Variants in MORN4 observed in about 807,000 individuals in gnomAD.
MORN4 encodes the protein MORN repeat-containing protein 4.
Under a neutral mutation model 16.4 loss-of-function variants are expected in MORN4, and 8 were observed. The observed-to-expected ratio is 0.49, with a 90% CI of 0.29 to 0.88. MORN4 has a LOEUF of 0.88. Among genes scored for constraint, MORN4 ranks in the 40% least tolerant of loss-of-function variants. The pLI is 0.09. For missense variants in MORN4, 159 were observed against 182.9 expected (o/e 0.87, Z 0.75); for synonymous variants, 53 against 68.9 (o/e 0.77, Z 1.14).
chr10:97,633,759 C>G (rs1441831685), upstream of MORN4, among the ~76,000 whole-genome samples: 1 of 152,210 alleles, frequency 6.6e-6, no homozygotes, highest in Non-Finnish European at 1.5e-5. This position sits in a 1 kb window ranked among gnomAD's most constrained non-coding sequence, Gnocchi z 4.5. Context: ...GCAACAGTGA[C>G]CATCAACGCG....
intron 1 of MORN4, among the ~76,000 whole-genome samples, chr10:97,621,484 C>CA (rs2041293146): frequency 6.6e-6 from 1 of 152,164 alleles, no homozygotes; most frequent in South Asian, 2.1e-4. Context: ...GAAAAGCTTG[C>CA]AAGGAAGGGA....
At chr10:97,633,670 C>T, upstream of MORN4, 1 of 1,251,766 alleles carries the variant, frequency 8.0e-7, no homozygotes, top group Non-Finnish European at 1.0e-6. This position sits in a 1 kb window ranked among gnomAD's most constrained non-coding sequence, Gnocchi z 4.5. Flanking sequence ...CAGATAAAGA[C>T]AGAGGATCCA....
At chr10:97,625,625 A>G (rs1163328997) in intron 1 of MORN4, among the ~76,000 whole-genome samples, 2 of 152,220 alleles carry the variant, frequency 1.3e-5, no homozygotes, top group Non-Finnish European at 2.9e-5. Context: ...ATGTAATTCA[A>G]ACAACACTTT....
chr10:97,619,563 A>G, intron 2 of MORN4, 24 bp downstream of exon 2: 1 of 1,550,138 alleles, frequency 6.5e-7, no homozygotes, highest in Admixed American at 1.7e-5. Flanking sequence ...TTCATCATGG[A>G]TACTCCCCAG....
At position 97,629,903 on chromosome 10, in the gene MORN4, T is replaced by G. The variant is rs191782996; in HGVS notation, c.-31+3444A>C. ...CTTCCTGAGTAGCTGGGACTACAGGTGCTCGCCACCACGCCCAGCTAATTT... is the reference window on the plus strand; with the variant it reads ...CTTCCTGAGTAGCTGGGACTACAGGGGCTCGCCACCACGCCCAGCTAATTT... On this transcript the variant is annotated intron_variant, in intron 1 of 4. Coordinates refer to ENST00000307450, the MANE Select transcript of MORN4 (RefSeq NM_178832.4). Among the ~76,000 whole-genome samples, 6 of 148,788 alleles carry G rather than the reference T, an allele frequency of 4.0e-5. No individual in the cohort carries two copies. In the East Asian group the frequency reaches 9.9e-4, roughly 25 times the overall value.
At position 97,616,262 on chromosome 10, in the gene MORN4, G is replaced by A. The variant is rs770007983; in HGVS notation, c.*1C>T. 5.7e-6 allele frequency: 9 copies of A among 1,592,740 alleles called. No individual in the cohort carries two copies. In the African/African-American group the frequency reaches 1.2e-4, roughly 22 times the overall value. On this transcript the variant is annotated 3_prime_UTR_variant, in exon 5 of 5. Coordinates refer to ENST00000307450, the MANE Select transcript of MORN4 (RefSeq NM_178832.4). ...CTTATCAGCTGGTGCCCACTGCGCT[G>A]TCAGGCAGTGAGATTTCTGGCTGAC...
intron 2 of MORN4, among the ~76,000 whole-genome samples, chr10:97,618,838 C>T (rs2041262865): frequency 6.8e-6 from 1 of 147,140 alleles, no homozygotes; most frequent in Non-Finnish European, 1.5e-5. Flanking sequence ...ATTTTGAGGA[C>T]ACCGAGTCAG....
intron 1 of MORN4, among the ~76,000 whole-genome samples, chr10:97,624,070 G>A (rs975747522): frequency 6.6e-6 from 1 of 151,996 alleles, no homozygotes; most frequent in Admixed American, 6.6e-5. Context: ...GGGGCCTGGC[G>A]CCAACAGCTA....
At position 97,616,099 on chromosome 10, in the gene MORN4, T is replaced by G; in HGVS notation, c.*164A>C. 1.5e-6 allele frequency: 1 copy of G among 645,284 alleles called. No homozygotes were observed. Among genetic ancestry groups the G allele is most frequent in the Non-Finnish European group, 2.4e-6 (1 of 409,472 alleles). The allele number at this position is 645,284 out of a possible 1,614,324, so 40.0% of individuals were successfully genotyped here. A position where few individuals can be genotyped will look rare whatever the true frequency, so the allele number is the denominator to read the frequency against. On this transcript the variant is annotated 3_prime_UTR_variant, in exon 5 of 5. Transcript: ENST00000307450. ...TCTGCTGGCCAGCATCCTCAGCACT[T>G]TTCTGTGGTCCAGTTCTGGAATGGC... is the stretch of plus-strand genomic sequence containing the variant.
Position 97,616,802 on chromosome 10 carries a change from A to G in MORN4, c.183-15T>C. On this transcript the variant is annotated splice_polypyrimidine_tract_variant and intron_variant, in intron 3 of 4. Coordinates refer to ENST00000307450, the MANE Select transcript of MORN4 (RefSeq NM_178832.4). ...CCCCCTCATACCTGCAGAAACACCA[A>G]GAAGTTAGCCTTCAGTGGAAAGTTA... is the stretch of plus-strand genomic sequence containing the variant. The G allele has an allele frequency of 6.3e-7, 1 of 1,578,506 alleles. No individual in the cohort carries two copies. Among genetic ancestry groups the G allele is most frequent in the South Asian group, 1.1e-5 (1 of 90,408 alleles).
Position 97,614,737 on chromosome 10 carries a change from G to A in MORN4, c.*1526C>T, listed in dbSNP as rs973506619. ...GGTACCAGGGTAACGGGAGGCCTACGTAATAAACTGCAGAGATCCCATCAG... is the reference window on the plus strand; with the variant it reads ...GGTACCAGGGTAACGGGAGGCCTACATAATAAACTGCAGAGATCCCATCAG... On this transcript the variant is annotated 3_prime_UTR_variant, in exon 5 of 5. Coordinates refer to ENST00000307450, the MANE Select transcript of MORN4 (RefSeq NM_178832.4). 1 of 152,508 alleles carries A rather than the reference G, an allele frequency of 6.6e-6. No homozygotes were observed. The allele number at this position is 152,508 out of a possible 1,614,324, so 9.4% of individuals were successfully genotyped here. A position where few individuals can be genotyped will look rare whatever the true frequency, so the allele number is the denominator to read the frequency against.
intron 1 of MORN4, among the ~76,000 whole-genome samples, chr10:97,621,739 C>T (rs1037789598): frequency 6.6e-6 from 1 of 151,942 alleles, no homozygotes; most frequent in Non-Finnish European, 1.5e-5. Flanking sequence ...GTGGCGGGTG[C>T]CTGTAATCCC....
chr10:97,620,662 G>A (rs2041282465), intron 1 of MORN4, among the ~76,000 whole-genome samples: 1 of 151,798 alleles, frequency 6.6e-6, no homozygotes, highest in Non-Finnish European at 1.5e-5. Flanking sequence ...AGCCTGTGTA[G>A]GTACATGTAG....
At position 97,616,685 on chromosome 10, in the gene MORN4, ATC is replaced by A; in HGVS notation, c.283_284del (p.Asp95TrpfsTer9). 6.2e-7 allele frequency: 1 copy of A among 1,612,774 alleles called. No homozygotes were observed. Among genetic ancestry groups the A allele is most frequent in the Non-Finnish European group, 8.5e-7 (1 of 1,178,874 alleles). ...TGCTGGGCTGCAACTTACCAAAACC[ATC>A]TACTCTGCCATTTTTAAATTCCCCC... is the stretch of plus-strand genomic sequence containing the variant. ...FEGEFKNGRV[D>X]GFGLLTFPDG... On this transcript the variant is annotated frameshift_variant, in exon 4 of 5. Transcript: ENST00000307450. LOFTEE classifies it high-confidence loss of function.
At chr10:97,625,869 GC>G in intron 1 of MORN4, among the ~76,000 whole-genome samples, 1 of 152,110 alleles carries the variant, frequency 6.6e-6, no homozygotes, top group Non-Finnish European at 1.5e-5. Context: ...GTGGGCTCAA[GC>G]AACCCTTCTG....
intron 2 of MORN4, chr10:97,619,344 A>G: frequency 3.4e-6 from 2 of 582,478 alleles, no homozygotes; most frequent in East Asian, 5.5e-5. Flanking sequence ...ACAAAACAAA[A>G]CAAAACAAAA....
At chr10:97,634,065 C>T (rs1448947175), upstream of MORN4, among the ~76,000 whole-genome samples, 1 of 152,106 alleles carries the variant, frequency 6.6e-6, no homozygotes, top group Non-Finnish European at 1.5e-5. Flanking sequence ...GCGGCTTGAG[C>T]TCAGGAGTGC....
Position 97,619,891 on chromosome 10 carries a change from T to C in MORN4, c.-30-208A>G, listed in dbSNP as rs75019203. On this transcript the variant is annotated intron_variant, in intron 1 of 4. Coordinates refer to ENST00000307450, the MANE Select transcript of MORN4 (RefSeq NM_178832.4). ...AAGTGCTCTTATCCTCCTGCTTATC[T>C]TAAAAGTTTTCAGCCAGTTCCTATT... is the stretch of plus-strand genomic sequence containing the variant. Among the ~76,000 whole-genome samples, 189 of 152,266 alleles carry C rather than the reference T, an allele frequency of 1.2e-3. 2 individuals carry two copies. In the East Asian group the frequency reaches 0.029, roughly 23 times the overall value.
At chr10:97,620,904 C>T (rs542321224) in intron 1 of MORN4, among the ~76,000 whole-genome samples, 123 of 152,122 alleles carry the variant, frequency 8.1e-4, no homozygotes, top group African/African-American at 2.7e-3. Flanking sequence ...GGGCGGATCA[C>T]GAGGTCAGGA....
Sources: allele counts gnomAD v4.1 joint callset (sites outside exome capture counted in the v4.1 genomes callset), GRCh38; gene constraint gnomAD v4.1.1; non-coding constraint Gnocchi (gnomAD v3.1); transcripts MANE v1.5; gene names NCBI Gene and HGNC (gene_info 2026-07-23, HGNC 2026-07-21).